ASIC2: variants seen among roughly 807,000 people sequenced by gnomAD.
ASIC2 encodes the protein acid sensing ion channel subunit 2.
In ASIC2, 25 loss-of-function variants were observed where a neutral mutation model predicts 57.3. The ratio of observed to expected loss-of-function variants is 0.44; its 90% confidence interval spans 0.32 to 0.61. The LOEUF (loss-of-function observed/expected upper bound fraction) is 0.61, where lower values mean the gene tolerates loss of function less well. Among genes scored for constraint, ASIC2 ranks in the 20% least tolerant of loss-of-function variants. The pLI is 0.06. For synonymous variants in ASIC2, 319 were observed against 307.5 expected, an observed-to-expected ratio of 1.04 and a Z score of -0.39; for missense variants, 641 against 738.1, an observed-to-expected ratio of 0.87 and a Z score of 1.52.
At chr17:33,879,849 T>C (rs1455363953) in intron 1 of ASIC2, among the ~76,000 whole-genome samples, 2 of 152,222 alleles carry the variant, frequency 1.3e-5, no homozygotes, top group Non-Finnish European at 2.9e-5. Flanking sequence ...GACCACATAG[T>C]TGGAAGTAAA....
intron 1 of ASIC2, among the ~76,000 whole-genome samples, chr17:33,740,054 G>A (rs769393311): frequency 6.6e-6 from 1 of 152,144 alleles, no homozygotes; most frequent in Non-Finnish European, 1.5e-5. Context: ...GGGAGAGTCA[G>A]GTAAGAGCCT....
intron 1 of ASIC2, among the ~76,000 whole-genome samples, chr17:33,434,038 A>G (rs1205771514): frequency 2.0e-5 from 3 of 151,904 alleles, no homozygotes; most frequent in Non-Finnish European, 4.4e-5. Context: ...GGTAAGCACT[A>G]TAGTCCCTGA....
intron 1 of ASIC2, among the ~76,000 whole-genome samples, chr17:34,055,387 C>T (rs996134353): frequency 2.6e-5 from 4 of 152,270 alleles, no homozygotes; most frequent in African/African-American, 4.8e-5. Context: ...CCCTGCCCTC[C>T]CACTTGTTTA....
intron 1 of ASIC2, among the ~76,000 whole-genome samples, chr17:33,785,073 G>A (rs1911562807): frequency 1.3e-5 from 2 of 152,014 alleles, no homozygotes; most frequent in Non-Finnish European, 2.9e-5. Flanking sequence ...ACTATATTTG[G>A]AGATAGGGTC....
At chr17:33,124,622 G>C (rs992856203) in intron 1 of ASIC2, among the ~76,000 whole-genome samples, 1 of 152,220 alleles carries the variant, frequency 6.6e-6, no homozygotes, top group African/African-American at 2.4e-5. Context: ...GGTTTGAGCA[G>C]GTGCCACAGG....
chr17:33,388,071 C>T (rs982803877), intron 1 of ASIC2, among the ~76,000 whole-genome samples: 2 of 147,018 alleles, frequency 1.4e-5, no homozygotes, highest in African/African-American at 5.1e-5. Context: ...TAGAGAGAGA[C>T]TCCATCTCAA....
chr17:33,344,290 G>A (rs966988085), intron 1 of ASIC2, among the ~76,000 whole-genome samples: 1 of 152,184 alleles, frequency 6.6e-6, no homozygotes, highest in African/African-American at 2.4e-5. Flanking sequence ...GCAGATGCCT[G>A]TTGTCAGGTG....
At chr17:33,464,510 T>TTC (rs1354744002) in intron 1 of ASIC2, among the ~76,000 whole-genome samples, 755 of 35,738 alleles carry the variant, frequency 0.021, 5 homozygotes, top group Non-Finnish European at 0.025. Context: ...CTTTCTTTCT[T>TTC]TCTTTCTTTC....
chr17:33,304,343 G>A (rs1300613203), intron 1 of ASIC2, among the ~76,000 whole-genome samples: 1 of 152,188 alleles, frequency 6.6e-6, no homozygotes, highest in African/African-American at 2.4e-5. Flanking sequence ...GGTTCTTTGG[G>A]TAAAGTTATT....
chr17:33,806,380 C>T (rs1370356514), intron 1 of ASIC2, among the ~76,000 whole-genome samples: 1 of 152,170 alleles, frequency 6.6e-6, no homozygotes, highest in Non-Finnish European at 1.5e-5. Flanking sequence ...GGTTTTCAAC[C>T]ATTTAAGAAT....
At chr17:33,939,734 A>G (rs1490895) in intron 1 of ASIC2, among the ~76,000 whole-genome samples, 47,419 of 152,092 alleles carry the variant, frequency 0.31, 7,527 homozygotes, top group Admixed American at 0.37. Context: ...CTGTGGCAAC[A>G]AGGTGTCCAT....
intron 1 of ASIC2, among the ~76,000 whole-genome samples, chr17:33,775,100 G>T (rs917535233): frequency 2.6e-5 from 4 of 152,184 alleles, no homozygotes; most frequent in Non-Finnish European, 5.9e-5. Flanking sequence ...ATCCCATCCG[G>T]GCTTGGGAGA....
At chr17:33,625,099 T>C (rs1905930556) in intron 1 of ASIC2, among the ~76,000 whole-genome samples, 1 of 151,974 alleles carries the variant, frequency 6.6e-6, no homozygotes, top group African/African-American at 2.4e-5. Context: ...CATTCTGAGG[T>C]TTTGTTATCA....
At chr17:33,902,774 T>C (rs1405285324) in intron 1 of ASIC2, among the ~76,000 whole-genome samples, 2 of 152,228 alleles carry the variant, frequency 1.3e-5, no homozygotes, top group Non-Finnish European at 2.9e-5. Context: ...GAACCCCTAA[T>C]TCTCGAAGAC....
chr17:33,821,253 C>T (rs1281709671), intron 1 of ASIC2, among the ~76,000 whole-genome samples: 2 of 152,154 alleles, frequency 1.3e-5, no homozygotes, highest in Non-Finnish European at 2.9e-5. Flanking sequence ...CGTTGTCCCA[C>T]CCCTCAAATA....
intron 1 of ASIC2, among the ~76,000 whole-genome samples, chr17:33,169,807 A>T (rs1905441601): frequency 6.6e-6 from 1 of 151,934 alleles, no homozygotes; most frequent in Admixed American, 6.6e-5. Context: ...CCTCTCACCC[A>T]CCTTCTGGTC....
At chr17:33,880,604 G>C (rs987562625) in intron 1 of ASIC2, among the ~76,000 whole-genome samples, 3 of 152,110 alleles carry the variant, frequency 2.0e-5, no homozygotes, top group Admixed American at 2.0e-4. Flanking sequence ...CTGAAATTGA[G>C]GGAATAATTA....
intron 1 of ASIC2, among the ~76,000 whole-genome samples, chr17:33,117,094 T>G (rs2092284147): frequency 6.6e-6 from 1 of 152,158 alleles, no homozygotes; most frequent in South Asian, 2.1e-4. Context: ...GCTCAAGCAA[T>G]CATCCCACCT....
chr17:34,109,827 TGGATTAGACATGAGTCCA>T (rs1434657857), intron 1 of ASIC2, among the ~76,000 whole-genome samples: 3 of 152,178 alleles, frequency 2.0e-5, no homozygotes, highest in Non-Finnish European at 4.4e-5. Context: ...ACAGCAGTCA[TGGATTAGACATGAGTCCA>T]GGTATTGTAA....
Sources: allele counts gnomAD v4.1 joint callset (sites outside exome capture counted in the v4.1 genomes callset), GRCh38; gene constraint gnomAD v4.1.1; transcripts MANE v1.5; gene names NCBI Gene and HGNC (gene_info 2026-07-23, HGNC 2026-07-21).